The following C18orf63 variants were observed in gnomAD, a reference collection of about 807,000 sequenced individuals.
C18orf63 encodes uncharacterized protein C18orf63.
In C18orf63, 50 loss-of-function variants were observed where a neutral mutation model predicts 75.3. The ratio of observed to expected loss-of-function variants is 0.66; its 90% confidence interval spans 0.53 to 0.84. The LOEUF (loss-of-function observed/expected upper bound fraction) is 0.84, where lower values mean the gene tolerates loss of function less well. Among genes scored for constraint, C18orf63 ranks in the 40% least tolerant of loss-of-function variants. The pLI is 0.00. For synonymous variants in C18orf63, 232 were observed against 267.6 expected (o/e 0.87, Z 1.30); for missense variants, 732 against 800.2 (o/e 0.91, Z 1.03).
At chr18:74,324,481 C>T (rs369415504) in intron 4 of C18orf63, among the ~76,000 whole-genome samples, 8 of 152,200 alleles carry the variant, frequency 5.3e-5, no homozygotes, top group African/African-American at 1.9e-4. Flanking sequence ...ATAGTTTTAG[C>T]AATAGCCAAA....
chr18:74,346,056 A>G lies in C18orf63; in HGVS notation c.978+2354A>G, dbSNP rs952302787. Among the ~76,000 whole-genome samples the G allele has an allele frequency of 9.9e-5, 15 of 152,148 alleles. No individual in the cohort carries two copies. The East Asian group carries it at 2.9e-3, about 29-fold the overall frequency. ...ATCTAAGAATAGTGTATATTTCTCC[A>G]CATATTAAATATATATTCTTTAATT... On this transcript the variant is annotated intron_variant, in intron 11 of 13. Transcript: ENST00000579455.
rs1984084759 is a variant in C18orf63, at chr18:74,319,575, TA to T, written c.135-936del. Among the ~76,000 whole-genome samples, 5 of 152,340 alleles carry T rather than the reference TA, an allele frequency of 3.3e-5. No individual in the cohort carries two copies. The South Asian group carries it at 1.0e-3, about 32-fold the overall frequency. Reference sequence around the variant, plus strand: ...AATTTGATTCTGATGATGTTTGTTTTAAGTTCATTTGGCTGTTGAAACCACT... The same window carrying T: ...AATTTGATTCTGATGATGTTTGTTTTAGTTCATTTGGCTGTTGAAACCACT... On this transcript the variant is annotated intron_variant, in intron 2 of 13. Coordinates refer to ENST00000579455, the MANE Select transcript of C18orf63 (RefSeq NM_001174123.2).
Position 74,353,939 on chromosome 18 carries a change from G to T in C18orf63, c.1672G>T (p.Val558Leu). 1 of 1,536,078 alleles carries T rather than the reference G, an allele frequency of 6.5e-7. No individual in the cohort carries two copies. Among genetic ancestry groups the T allele is most frequent in the Non-Finnish European group, 8.7e-7 (1 of 1,146,834 alleles). ...GGTGTCAAATAACAATTTAGGGGTG[G>T]TAAAAAGTGCTGTTGACTTCCAAAT... ...FVVSNNNLGV[V>L]KSAVDFQMKG... Residue 558 changes from valine (V) to leucine (L), a missense_variant, in exon 12 of 14, where the codon GTA becomes TTA. By Grantham distance (32) the Val-to-Leu change is conservative (BLOSUM62 1). Around this residue, in one of 3 missense-constraint regions of C18orf63, gnomAD observed 495 missense variants for 508.7 expected, o/e 0.97. Transcript: ENST00000579455.
Position 74,356,590 on chromosome 18 carries a change from A to G in C18orf63, c.*143A>G, listed in dbSNP as rs1024199908. On this transcript the variant is annotated 3_prime_UTR_variant, in exon 14 of 14. Coordinates refer to ENST00000579455, the MANE Select transcript of C18orf63 (RefSeq NM_001174123.2). ...TGTGGAACCTCCTTTTTCACTTGACAGTTTCTTTTTATTGTTTGCATAGCA... is the reference window on the plus strand; with the variant it reads ...TGTGGAACCTCCTTTTTCACTTGACGGTTTCTTTTTATTGTTTGCATAGCA... The G allele has an allele frequency of 6.6e-6, 1 of 152,482 alleles. No homozygotes were observed. The highest frequency in any genetic ancestry group is 2.4e-5 in the African/African-American group (1 of 41,406). 9.4% of individuals were successfully genotyped at this position (152,482 alleles called of 1,614,324 possible). A position where few individuals can be genotyped will look rare whatever the true frequency, so the allele number is the denominator to read the frequency against.
chr18:74,322,894 T>C, intron 4 of C18orf63, 140 bp downstream of exon 4: 1 of 311,726 alleles, frequency 3.2e-6, no homozygotes, highest in Non-Finnish European at 5.9e-6. Context: ...ACAAATTTTT[T>C]CTAACAATTA....
intron 11 of C18orf63, among the ~76,000 whole-genome samples, chr18:74,350,038 T>C (rs2145131373): frequency 6.6e-6 from 1 of 152,314 alleles, no homozygotes; most frequent in South Asian, 2.1e-4. Context: ...CAGTCCATCC[T>C]ATCCATTGCA....
chr18:74,345,485 A>G (rs1457035233), intron 11 of C18orf63, among the ~76,000 whole-genome samples: 2 of 152,070 alleles, frequency 1.3e-5, no homozygotes, highest in African/African-American at 4.8e-5. Flanking sequence ...ATTCGCCTCT[A>G]ATATCATCCA....
intron 6 of C18orf63, among the ~76,000 whole-genome samples, chr18:74,329,261 T>A (rs1984262024): frequency 6.6e-6 from 1 of 151,060 alleles, no homozygotes; most frequent in Non-Finnish European, 1.5e-5. Flanking sequence ...TGTAGCCCCG[T>A]CTACTTGGGA....
rs116219171 is a variant in C18orf63 at position 74,328,103 on chromosome 18, C to T, written c.382+45C>T. On this transcript the variant is annotated intron_variant, in intron 5 of 13. Transcript: ENST00000579455. Reference sequence around the variant, plus strand: ...CATTGGGGCTTTCTGAACTAGATTACGTCTGTTATGTGTGTATTAGTCTAT... The same window carrying T: ...CATTGGGGCTTTCTGAACTAGATTATGTCTGTTATGTGTGTATTAGTCTAT... 1.6e-3 allele frequency: 1,801 copies of T among 1,111,158 alleles called. 18 individuals carry two copies. The highest frequency in any genetic ancestry group is 0.013 in the South Asian group (1,002 of 75,272). 68.8% of individuals were successfully genotyped at this position (1,111,158 alleles called of 1,614,324 possible).
At chr18:74,344,763 T>C (rs1359669847) in intron 11 of C18orf63, among the ~76,000 whole-genome samples, 6 of 152,164 alleles carry the variant, frequency 3.9e-5, no homozygotes, top group Non-Finnish European at 8.8e-5. Context: ...AGTCGGTTTA[T>C]TTTCCTTTAT....
Position 74,342,284 on chromosome 18 carries a change from A to C in C18orf63, c.752A>C (p.Tyr251Ser), listed in dbSNP as rs1218848449. 6.5e-7 allele frequency: 1 copy of C among 1,533,456 alleles called. No homozygotes were observed. Among genetic ancestry groups the C allele is most frequent in the Non-Finnish European group, 8.7e-7 (1 of 1,145,134 alleles). The allele number at this position is 1,533,456 out of a possible 1,614,324, so 95.0% of individuals were successfully genotyped here. A position where few individuals can be genotyped will look rare whatever the true frequency, so the allele number is the denominator to read the frequency against. The change falls in exon 10 of 14, where the codon TAC becomes TCC. Residue 251 changes from tyrosine to serine, a missense_variant. Tyr to Ser is a moderately radical substitution (Grantham distance 144). Transcript: ENST00000579455. ...GGTGATTGTGGAAAAATTAAAATAT[A>C]CTGCAACATCTATTTCAAAATGCTC... The part of the protein sequence containing the change: ...LPGDCGKIKI[Y>S]CNIYFKMLGE...
rs993277389 is a variant in C18orf63, at chr18:74,331,811, A to G, written c.501+869A>G. 2.0e-5 allele frequency among the ~76,000 whole-genome samples: 3 copies of G among 152,026 alleles called. No individual in the cohort carries two copies. The South Asian group carries it at 6.2e-4, about 32-fold the overall frequency. On this transcript the variant is annotated intron_variant, in intron 7 of 13. Transcript: ENST00000579455. ...TGTCCTGCTCATCATTTAAGGGCCAACTCAAATGCTACTCCTCTATTCATT... is the reference window on the plus strand; with the variant it reads ...TGTCCTGCTCATCATTTAAGGGCCAGCTCAAATGCTACTCCTCTATTCATT...
chr18:74,338,668 T>C, intron 7 of C18orf63, 47 bp from the exon 8 acceptor site: 1 of 795,662 alleles, frequency 1.3e-6, no homozygotes, highest in Non-Finnish European at 1.8e-6. Flanking sequence ...ATGTTTCCTT[T>C]TTTGCCAAAT....
At position 74,343,319 on chromosome 18, in the gene C18orf63, A is replaced by G. The variant is rs185215666; in HGVS notation, c.795-200A>G. Among the ~76,000 whole-genome samples, 36 of 152,268 alleles carry G rather than the reference A, an allele frequency of 2.4e-4. 1 individual carries two copies. The East Asian group carries it at 6.7e-3, about 29-fold the overall frequency. On this transcript the variant is annotated intron_variant, in intron 10 of 13. Coordinates refer to ENST00000579455, the MANE Select transcript of C18orf63 (RefSeq NM_001174123.2). Reference sequence around the variant, plus strand: ...ATATTATGAATTGTCTTGATTTGGAATGTTAGAATAGAAGGAATGAAGATC... The same window carrying G: ...ATATTATGAATTGTCTTGATTTGGAGTGTTAGAATAGAAGGAATGAAGATC...
chr18:74,354,909 T>C (rs538225619), intron 13 of C18orf63, among the ~76,000 whole-genome samples: 29 of 152,340 alleles, frequency 1.9e-4, no homozygotes, highest in African/African-American at 6.3e-4. Context: ...CTACCCAAGA[T>C]AATAAACCTT....
At position 74,330,919 on chromosome 18, in the gene C18orf63, ACAAT is replaced by A. The variant is rs753674784; in HGVS notation, c.481_484del (p.Ile161AspfsTer7). On this transcript the variant is annotated frameshift_variant, in exon 7 of 14. Coordinates refer to ENST00000579455, the MANE Select transcript of C18orf63 (RefSeq NM_001174123.2). LOFTEE classifies it high-confidence loss of function. ...AGTTTGTCTAAGTATAGAAGCTTGCACAATCAGACTGCCAGCACCTGAGGTACCA... is the reference window on the plus strand; with the variant it reads ...AGTTTGTCTAAGTATAGAAGCTTGCACAGACTGCCAGCACCTGAGGTACCA... 4.1e-6 allele frequency: 6 copies of A among 1,472,766 alleles called. No individual in the cohort carries two copies. Among genetic ancestry groups the A allele is most frequent in the African/African-American group, 1.4e-5 (1 of 70,552 alleles). 91.2% of individuals were successfully genotyped at this position (1,472,766 alleles called of 1,614,324 possible).
intron 2 of C18orf63, among the ~76,000 whole-genome samples, chr18:74,319,952 G>A (rs566710360): frequency 6.6e-6 from 1 of 152,308 alleles, no homozygotes; most frequent in African/African-American, 2.4e-5. Context: ...ATTCTCTTAA[G>A]TCAAATATTG....
At chr18:74,335,410 A>T (rs966913254) in intron 7 of C18orf63, among the ~76,000 whole-genome samples, 7 of 152,072 alleles carry the variant, frequency 4.6e-5, no homozygotes, top group Non-Finnish European at 1.0e-4. Flanking sequence ...AAATAGAGAT[A>T]AAAAAATTTA....
At chr18:74,339,012 CA>C (rs1393933310) in intron 8 of C18orf63, among the ~76,000 whole-genome samples, 188 bp downstream of exon 8, 1 of 151,802 alleles carries the variant, frequency 6.6e-6, no homozygotes, top group East Asian at 1.9e-4. Flanking sequence ...TTTTCTTTAT[CA>C]AATTAATAAT....
Sources: gnomAD v4.1 joint callset for allele counts (sites outside exome capture counted in the v4.1 genomes callset) on GRCh38, gnomAD v4.1.1 for gene constraint, gnomAD v4.1.1 regional missense constraint, MANE v1.5 for transcripts, NCBI Gene and HGNC (gene_info 2026-07-23, HGNC 2026-07-21) for gene names.